NR1I2: variants seen among roughly 807,000 people sequenced by gnomAD.
NR1I2 encodes the protein orphan nuclear receptor PAR1.
In NR1I2, 42 loss-of-function variants were observed where a neutral mutation model predicts 43.3. The observed-to-expected ratio is 0.97, with a 90% confidence interval of 0.76 to 1.26. The LOEUF (loss-of-function observed/expected upper bound fraction) is 1.26, where lower values mean the gene tolerates loss of function less well. NR1I2 is among the 50% of genes most tolerant of loss of function. The pLI, the probability that NR1I2 is intolerant of heterozygous loss-of-function variation, is 0.00. For synonymous variants in NR1I2, 229 were observed against 215.0 expected, an observed-to-expected ratio of 1.06 and a Z score of -0.57; for missense variants, 559 against 566.7, an observed-to-expected ratio of 0.99 and a Z score of 0.14.
chr3:119,798,711 ACT>A (rs1188187983), intron 1 of NR1I2, among the ~76,000 whole-genome samples: 1 of 151,744 alleles, frequency 6.6e-6, no homozygotes, highest in Non-Finnish European at 1.5e-5. Context: ...TCTCTATTCC[ACT>A]CTCAGCCACA....
At chr3:119,814,856 G>A in intron 5 of NR1I2, 123 bp from the exon 6 acceptor site, 1 of 1,233,458 alleles carries the variant, frequency 8.1e-7, no homozygotes, top group Non-Finnish European at 1.2e-6. Flanking sequence ...GTCATCCTCA[G>A]GGAAAGGAGC....
rs771289157 is a variant in NR1I2, at chr3:119,815,108, G to A, written c.924G>A (p.Leu308=). The A allele has an allele frequency of 1.9e-6, 3 of 1,614,174 alleles. No homozygotes were observed. In the Admixed American group the frequency reaches 5.0e-5, roughly 27 times the overall value. ...AGTGTGGCCGGCTGTCCTACTGCTTGGAAGACACTGCAGGTGCCCGAGAGA... is the reference window on the plus strand; with the variant it reads ...AGTGTGGCCGGCTGTCCTACTGCTTAGAAGACACTGCAGGTGCCCGAGAGA... The change falls in exon 6 of 9, where the codon TTG becomes TTA. Residue 308 remains leucine, a synonymous_variant. Coordinates refer to ENST00000393716, the MANE Select transcript of NR1I2 (RefSeq NM_003889.4).
In NR1I2 at chr3:119,818,266, C is replaced by A. The variant is rs952894951; in HGVS notation, c.*1054C>A. ...AAACACACCGGAGAAGAACCATTTA[C>A]ATGCACCTTATATTTCTGTGTACAC... On this transcript the variant is annotated 3_prime_UTR_variant, in exon 9 of 9. Coordinates refer to ENST00000393716, the MANE Select transcript of NR1I2 (RefSeq NM_003889.4). 1.0e-6 allele frequency: 1 copy of A among 985,452 alleles called. No individual in the cohort carries two copies. Among genetic ancestry groups the A allele is most frequent in the African/African-American group, 1.7e-5 (1 of 57,238 alleles). The allele number at this position is 985,452 out of a possible 1,614,324, so 61.0% of individuals were successfully genotyped here.
intron 1 of NR1I2, among the ~76,000 whole-genome samples, chr3:119,805,669 C>T (rs937321265): frequency 6.7e-6 from 1 of 149,536 alleles, no homozygotes; most frequent in Admixed American, 6.7e-5. Context: ...AGCCACTGCG[C>T]TCCAGCCTGG....
chr3:119,807,460 A>C lies in NR1I2; in HGVS notation c.197+13A>C, dbSNP rs376178698. 2.9e-4 allele frequency: 461 copies of C among 1,610,518 alleles called. No homozygotes were observed. The highest frequency in any genetic ancestry group is 3.8e-4 in the Non-Finnish European group (449 of 1,178,246). On this transcript the variant is annotated intron_variant, in intron 2 of 8. Transcript: ENST00000393716. ...AGGGCTTTTTCAGGTAGAGTTACCC[A>C]TCAGCCTTCACCCACGTGCCACCAC...
At chr3:119,785,584 A>T (rs1487504151) in intron 1 of NR1I2, among the ~76,000 whole-genome samples, 1 of 152,188 alleles carries the variant, frequency 6.6e-6, no homozygotes, top group Non-Finnish European at 1.5e-5. Context: ...ATAGTCTATG[A>T]TCTGGTTAGG....
chr3:119,814,457 A>C (rs2107977506), intron 5 of NR1I2, among the ~76,000 whole-genome samples: 1 of 152,368 alleles, frequency 6.6e-6, no homozygotes, highest in South Asian at 2.1e-4. Flanking sequence ...CACCGACAGC[A>C]GGAAGCAAAC....
rs908273408 is a variant in NR1I2, at chr3:119,817,886, T to C, written c.*674T>C. The C allele has an allele frequency of 1.4e-5, 14 of 987,304 alleles. No individual in the cohort carries two copies. The highest frequency in any genetic ancestry group is 5.2e-4 in the Middle Eastern group (1 of 1,932). 61.2% of individuals were successfully genotyped at this position (987,304 alleles called of 1,614,324 possible). On this transcript the variant is annotated 3_prime_UTR_variant, in exon 9 of 9. Transcript: ENST00000393716. Reference sequence around the variant, plus strand: ...TATTAAGCACCGATAATAGGTAGCCTGCTGTGGGGTATACAGCATTGACTC... The same window carrying C: ...TATTAAGCACCGATAATAGGTAGCCCGCTGTGGGGTATACAGCATTGACTC...
chr3:119,797,206 G>GTGTGTC (rs1353171319), intron 1 of NR1I2, among the ~76,000 whole-genome samples: 2 of 151,848 alleles, frequency 1.3e-5, no homozygotes, highest in African/African-American at 4.8e-5. Flanking sequence ...GTGTGTGTGT[G>GTGTGTC]TGTGTGTGTG....
chr3:119,799,909 G>A (rs543626507), intron 1 of NR1I2, among the ~76,000 whole-genome samples: 2 of 152,172 alleles, frequency 1.3e-5, no homozygotes, highest in South Asian at 2.1e-4. Context: ...GAACCTGGGA[G>A]GCAGAGGTTG....
At chr3:119,791,672 T>G (rs1351641751) in intron 1 of NR1I2, among the ~76,000 whole-genome samples, 3 of 152,142 alleles carry the variant, frequency 2.0e-5, no homozygotes, top group Non-Finnish European at 4.4e-5. Context: ...CCCAGCACTT[T>G]GGGAGGCTGA....
chr3:119,793,104 T>G (rs1282617386), intron 1 of NR1I2, among the ~76,000 whole-genome samples: 1 of 152,116 alleles, frequency 6.6e-6, no homozygotes, highest in Non-Finnish European at 1.5e-5. Context: ...CACTTCACCT[T>G]CCACCATGCT....
chr3:119,809,980 G>A, intron 2 of NR1I2, 81 bp from the exon 3 acceptor site: 3 of 1,577,332 alleles, frequency 1.9e-6, no homozygotes, highest in Non-Finnish European at 2.6e-6. Flanking sequence ...GGGCTGGGGA[G>A]GGAGGTGGTA....
chr3:119,810,417 T>A, intron 3 of NR1I2: 1 of 638,870 alleles, frequency 1.6e-6, no homozygotes, highest in Non-Finnish European at 2.7e-6. Context: ...TGCCCTGGGA[T>A]GTGTGCTGGG....
intron 1 of NR1I2, chr3:119,791,930 C>A: frequency 3.0e-6 from 2 of 659,420 alleles, no homozygotes; most frequent in East Asian, 3.1e-5. Flanking sequence ...ACAGAACTGT[C>A]ATCTTTGACC....
Position 119,807,441 on chromosome 3 carries a change from T to A in NR1I2, c.191T>A (p.Phe64Tyr). ...ATGACATGTGAAGGATGCAAGGGCT[T>A]TTTCAGGTAGAGTTACCCATCAGCC... is the stretch of plus-strand genomic sequence containing the variant. The change falls in exon 2 of 9, where the codon TTT becomes TAT. Residue 64 changes from phenylalanine (F) to tyrosine (Y), a missense_variant. Phe to Tyr is a conservative substitution (Grantham distance 22, BLOSUM62 3). Transcript: ENST00000393716. The A allele has an allele frequency of 3.7e-6, 6 of 1,613,336 alleles. No individual in the cohort carries two copies. The highest frequency in any genetic ancestry group is 5.1e-6 in the Non-Finnish European group (6 of 1,179,946).
intron 1 of NR1I2, among the ~76,000 whole-genome samples, chr3:119,783,429 G>A (rs1014346548): frequency 1.3e-5 from 2 of 151,896 alleles, no homozygotes; most frequent in African/African-American, 4.8e-5. Flanking sequence ...GCCTGCTATA[G>A]CTGATTCATT....
Position 119,782,861 on chromosome 3 carries a change from T to A in NR1I2, c.-23+561T>A, listed in dbSNP as rs751592344. Reference sequence around the variant, plus strand: ...GAGTTGGCTTCAAACCAGTGAGTTTTCTACCTCTACTATTGAAAGGGCACC... The same window carrying A: ...GAGTTGGCTTCAAACCAGTGAGTTTACTACCTCTACTATTGAAAGGGCACC... On this transcript the variant is annotated intron_variant, in intron 1 of 8. Transcript: ENST00000393716. 1.9e-6 allele frequency: 3 copies of A among 1,609,282 alleles called. No individual in the cohort carries two copies. In the South Asian group the frequency reaches 3.3e-5, roughly 18 times the overall value.
intron 2 of NR1I2, among the ~76,000 whole-genome samples, chr3:119,809,480 C>T (rs1016769226): frequency 6.6e-6 from 1 of 151,216 alleles, no homozygotes; most frequent in Non-Finnish European, 1.5e-5. Context: ...TAAGAACTTC[C>T]CCATAGTTCA....
Sources: allele counts gnomAD v4.1 joint callset (sites outside exome capture counted in the v4.1 genomes callset), GRCh38; gene constraint gnomAD v4.1.1; transcripts MANE v1.5; gene names NCBI Gene and HGNC (gene_info 2026-07-23, HGNC 2026-07-21).